HAUS6: variants seen among roughly 807,000 people sequenced by gnomAD.
HAUS6 encodes the protein HAUS augmin-like complex subunit 6.
HAUS6 carries 80 observed loss-of-function variants against 106.8 expected under a neutral mutation model. That is an observed-to-expected ratio of 0.75 (90% CI 0.63 to 0.90). The LOEUF is 0.90. HAUS6 is among the 40% of genes least tolerant of loss of function. The pLI, the probability that HAUS6 is intolerant of heterozygous loss-of-function variation, is 0.00. For missense variants in HAUS6, 1,155 were observed against 1,118.1 expected (o/e 1.03, Z -0.47); for synonymous variants, 356 against 379.1 (o/e 0.94, Z 0.71).
Position 19,058,863 on chromosome 9 carries a change from C to G in HAUS6, c.1904G>C (p.Ser635Thr). 6.2e-7 allele frequency: 1 copy of G among 1,613,700 alleles called. No homozygotes were observed. Among genetic ancestry groups the G allele is most frequent in the African/African-American group, 1.3e-5 (1 of 75,034 alleles). ...LPVLHNQREF[S>T]MADFLLETTV... Reference sequence around the variant, plus strand: ...GGTTTCTAAGAGAAAATCAGCCATGCTAAATTCTCTTTGATTGTGCAACAC... The same window carrying G: ...GGTTTCTAAGAGAAAATCAGCCATGGTAAATTCTCTTTGATTGTGCAACAC... Residue 635 changes from serine (S) to threonine (T), a missense_variant, in exon 16 of 17, where the codon AGC becomes ACC. Ser to Thr is a moderately conservative substitution (Grantham distance 58). Around this residue, in one of 3 missense-constraint regions of HAUS6, gnomAD observed 380 missense variants for 394.8 expected, o/e 0.96. Coordinates refer to ENST00000380502, the MANE Select transcript of HAUS6 (RefSeq NM_017645.5).
intron 12 of HAUS6, among the ~76,000 whole-genome samples, chr9:19,067,538 TAGA>T (rs1214708842): frequency 5.3e-5 from 8 of 152,196 alleles, no homozygotes; most frequent in African/African-American, 1.7e-4. Flanking sequence ...TTCAGGAGCT[TAGA>T]AGAAGACAGA....
chr9:19,055,664 G>T lies in HAUS6; in HGVS notation c.*679C>A, dbSNP rs1001538430. The T allele has an allele frequency of 6.6e-6, 1 of 152,132 alleles. No homozygotes were observed. Among genetic ancestry groups the T allele is most frequent in the Non-Finnish European group, 1.5e-5 (1 of 68,028 alleles). The allele number at this position is 152,132 out of a possible 1,614,324, so 9.4% of individuals were successfully genotyped here. Reference sequence around the variant, plus strand: ...GATTTATAGTTTGACAGTGTTCCTTGCAAGTGTCTACTCATCTTCCATCTT... The same window carrying T: ...GATTTATAGTTTGACAGTGTTCCTTTCAAGTGTCTACTCATCTTCCATCTT... On this transcript the variant is annotated 3_prime_UTR_variant, in exon 17 of 17. Transcript: ENST00000380502.
intron 7 of HAUS6, among the ~76,000 whole-genome samples, chr9:19,084,906 C>T (rs1288223797): frequency 2.6e-5 from 4 of 151,636 alleles, no homozygotes; most frequent in African/African-American, 9.7e-5. Context: ...TGCTCACAGG[C>T]GTGAGCCACT....
chr9:19,080,475 G>A lies in HAUS6; in HGVS notation c.1064+4C>T, dbSNP rs1418853229. 3.2e-6 allele frequency: 5 copies of A among 1,583,946 alleles called. No homozygotes were observed. Among genetic ancestry groups the A allele is most frequent in the South Asian group, 1.1e-5 (1 of 90,286 alleles). The stretch of plus-strand genomic sequence containing the variant: ...CAGTAAAATAACAGATCTTTTTAGT[G>A]TACCTCATATGTTTCAGATCTGATA... On this transcript the variant is annotated splice_donor_region_variant and intron_variant, in intron 9 of 16. Transcript: ENST00000380502.
chr9:19,076,454 C>A (rs1457454883), intron 11 of HAUS6, 148 bp downstream of exon 11: 7 of 644,370 alleles, frequency 1.1e-5, no homozygotes, highest in Non-Finnish European at 1.9e-5. Context: ...TTTGCAATAA[C>A]TGAAATTGTG....
rs142212509 is a variant in HAUS6 at position 19,056,325 on chromosome 9, T to C, written c.*18A>G. 1.7e-6 allele frequency: 2 copies of C among 1,165,870 alleles called. No individual in the cohort carries two copies. Among genetic ancestry groups the C allele is most frequent in the South Asian group, 2.5e-5 (2 of 80,712 alleles). The allele number at this position is 1,165,870 out of a possible 1,614,324, so 72.2% of individuals were successfully genotyped here. On this transcript the variant is annotated 3_prime_UTR_variant, in exon 17 of 17. Coordinates refer to ENST00000380502, the MANE Select transcript of HAUS6 (RefSeq NM_017645.5). ...CTTCAATTTAAGTGCATCATAGTTATATTAAATGGGTACGTCTTCATCTTG... is the reference window on the plus strand; with the variant it reads ...CTTCAATTTAAGTGCATCATAGTTACATTAAATGGGTACGTCTTCATCTTG...
At chr9:19,060,399 A>G (rs1836581512) in intron 14 of HAUS6, among the ~76,000 whole-genome samples, 176 bp from the exon 15 acceptor site, 1 of 152,262 alleles carries the variant, frequency 6.6e-6, no homozygotes, top group African/African-American at 2.4e-5. Context: ...ATCCAGGTAC[A>G]ATCCTGTAAA....
intron 14 of HAUS6, among the ~76,000 whole-genome samples, chr9:19,061,851 G>C (rs1012687807): frequency 2.6e-5 from 4 of 152,018 alleles, no homozygotes; most frequent in Non-Finnish European, 4.4e-5. Flanking sequence ...AAAAAGAAAA[G>C]TGTCTGACAT....
At chr9:19,082,081 C>G (rs982253376) in intron 8 of HAUS6, among the ~76,000 whole-genome samples, 2 of 152,030 alleles carry the variant, frequency 1.3e-5, no homozygotes, top group African/African-American at 4.8e-5. Flanking sequence ...GGAGAGACTG[C>G]TGAAGTCATG....
intron 11 of HAUS6, among the ~76,000 whole-genome samples, chr9:19,070,815 T>G (rs1471686521): frequency 6.6e-6 from 1 of 152,248 alleles, no homozygotes; most frequent in Non-Finnish European, 1.5e-5. Flanking sequence ...TCAAGTGTTA[T>G]GTTATACTTC....
chr9:19,101,746 C>T (rs1334211232), intron 1 of HAUS6, among the ~76,000 whole-genome samples: 1 of 152,160 alleles, frequency 6.6e-6, no homozygotes. Flanking sequence ...ATGGTGAAAC[C>T]CCGTCTCTAC....
intron 9 of HAUS6, among the ~76,000 whole-genome samples, chr9:19,079,164 C>CA (rs145287970): frequency 0.042 from 3,166 of 74,834 alleles, 41 homozygotes; most frequent in African/African-American, 0.068. Flanking sequence ...AATGCCGTCT[C>CA]AAAAAAAAAA....
At position 19,102,693 on chromosome 9, in the gene HAUS6, G is replaced by A. The variant is rs763758678; in HGVS notation, c.-42C>T. ...GTGGCTGCAAAGAAAGAAAGCGCAA[G>A]CCCAGGGGACTCGGAGGGCCCTCAA... On this transcript the variant is annotated 5_prime_UTR_variant, in exon 1 of 17. Transcript: ENST00000380502. 5 of 1,592,264 alleles carry A rather than the reference G, an allele frequency of 3.1e-6. No homozygotes were observed. The highest frequency in any genetic ancestry group is 4.3e-6 in the Non-Finnish European group (5 of 1,168,314).
At chr9:19,098,436 CAAAAAA>C in intron 1 of HAUS6, among the ~76,000 whole-genome samples, 1 of 123,406 alleles carries the variant, frequency 8.1e-6, no homozygotes. Context: ...GACTTCGTCT[CAAAAAA>C]AAAAAAAAAA....
intron 1 of HAUS6, among the ~76,000 whole-genome samples, chr9:19,100,259 G>A (rs1817959792): frequency 6.6e-6 from 1 of 152,198 alleles, no homozygotes; most frequent in East Asian, 1.9e-4. Flanking sequence ...CTATTCGGGA[G>A]GCTGAAGTGG....
At chr9:19,093,014 G>A (rs1382449113) in intron 4 of HAUS6, among the ~76,000 whole-genome samples, 157 bp downstream of exon 4, 1 of 151,174 alleles carries the variant, frequency 6.6e-6, no homozygotes, top group East Asian at 1.9e-4. Flanking sequence ...AGATTTTAAA[G>A]TACACTTCCA....
rs1482956015 is a variant in HAUS6, at chr9:19,058,234, A to G, written c.2533T>C (p.Ser845Pro). The G allele has an allele frequency of 1.2e-6, 2 of 1,613,832 alleles. No homozygotes were observed. Among genetic ancestry groups the G allele is most frequent in the Non-Finnish European group, 1.7e-6 (2 of 1,179,838 alleles). ...AGGTAAGATTCTTCCCTTTTCTTGGAAAGAGATTTCTTCAGAGCCTCGTAT... is the reference window on the plus strand; with the variant it reads ...AGGTAAGATTCTTCCCTTTTCTTGGGAAGAGATTTCTTCAGAGCCTCGTAT... ...SRYEALKKSLSKKREESYLSN... is the reference protein window; with the variant it reads ...SRYEALKKSLPKKREESYLSN... The change falls in exon 16 of 17, where the codon TCC (serine) becomes CCC (proline). Residue 845 changes from serine (S) to proline (P), a missense_variant. Physicochemically the swap from Ser to Pro is moderately conservative, Grantham distance 74. This residue lies in a region of HAUS6 where 380 missense variants were observed against 394.8 expected (regional missense o/e 0.96). Transcript: ENST00000380502.
chr9:19,086,944 G>A (rs1837310218), intron 6 of HAUS6, 147 bp downstream of exon 6: 5 of 621,272 alleles, frequency 8.0e-6, no homozygotes, highest in Admixed American at 3.1e-5. Flanking sequence ...AACTGGATTA[G>A]CAGTCATAAC....
chr9:19,095,242 G>A (rs1306190585), intron 2 of HAUS6, among the ~76,000 whole-genome samples: 1 of 151,884 alleles, frequency 6.6e-6, no homozygotes, highest in East Asian at 1.9e-4. Context: ...AAATATTAGG[G>A]TTTAAAATTT....
Sources: gnomAD v4.1 joint callset for allele counts (sites outside exome capture counted in the v4.1 genomes callset) on GRCh38, gnomAD v4.1.1 for gene constraint, gnomAD v4.1.1 regional missense constraint, MANE v1.5 for transcripts, NCBI Gene and HGNC (gene_info 2026-07-23, HGNC 2026-07-21) for gene names.